Variants in AUTS2 observed in about 807,000 individuals in gnomAD.
AUTS2 encodes autism susceptibility gene 2 protein.
Under a neutral mutation model 112.4 loss-of-function variants are expected in AUTS2, and 17 were observed. That is an observed-to-expected ratio of 0.15 (90% confidence interval 0.10 to 0.23). The LOEUF (loss-of-function observed/expected upper bound fraction) is 0.23, where lower values mean the gene tolerates loss of function less well. Ranked by LOEUF, AUTS2 falls within the 10% of genes least tolerant of loss-of-function variation. AUTS2 has a pLI of 1.00. For missense variants in AUTS2, 1,510 were observed against 1,701.6 expected, an observed-to-expected ratio of 0.89 and a Z score of 1.98; for synonymous variants, 751 against 702.7, an observed-to-expected ratio of 1.07 and a Z score of -1.09.
chr7:70,496,253 A>ACC (rs1354938206), intron 5 of AUTS2, among the ~76,000 whole-genome samples: 1,780 of 76,550 alleles, frequency 0.023, 2 homozygotes, highest in African/African-American at 0.043. Context: ...ACACACACAC[A>ACC]CCCCACACAT....
intron 4 of AUTS2, chr7:70,293,808 C>T (rs1435148076): frequency 6.6e-6 from 1 of 152,202 alleles, no homozygotes; most frequent in Non-Finnish European, 1.5e-5. Context: ...GGTTTAAAAA[C>T]ATTGCTGCCT....
chr7:69,895,548 C>CCG lies in AUTS2; in HGVS notation c.310-3737_310-3736insGC, dbSNP rs1554400681. On this transcript the variant is annotated intron_variant, in intron 1 of 18. Coordinates refer to ENST00000342771, the MANE Select transcript of AUTS2 (RefSeq NM_015570.4). ...TGATCCTCTCTCTCTCTTCTTCCCC[C>CCG]CCCCCGAGTGGAAAATCTCAATATT... Among the ~76,000 whole-genome samples, 79 of 146,120 alleles carry CCG rather than the reference C, an allele frequency of 5.4e-4. 1 individual carries two copies. Among genetic ancestry groups the CCG allele is most frequent in the South Asian group, 9.8e-4 (4 of 4,102 alleles).
chr7:69,920,711 C>T (rs1223080170), intron 2 of AUTS2, among the ~76,000 whole-genome samples: 1 of 152,180 alleles, frequency 6.6e-6, no homozygotes, highest in Non-Finnish European at 1.5e-5. Flanking sequence ...GTATTTTCTT[C>T]CTAGACTGTT....
chr7:70,624,842 T>C (rs551540760), intron 5 of AUTS2, among the ~76,000 whole-genome samples: 1 of 152,304 alleles, frequency 6.6e-6, no homozygotes, highest in East Asian at 1.9e-4. Flanking sequence ...TTATCATCAT[T>C]ATCATCACCA....
chr7:70,539,894 AG>A (rs1270777596), intron 5 of AUTS2, among the ~76,000 whole-genome samples: 2 of 152,196 alleles, frequency 1.3e-5, no homozygotes, highest in African/African-American at 4.8e-5. Context: ...GGGTTGGCAC[AG>A]GGATGGGCTC....
intron 4 of AUTS2, among the ~76,000 whole-genome samples, chr7:70,416,011 T>A (rs979183623): frequency 6.6e-6 from 1 of 152,218 alleles, no homozygotes; most frequent in African/African-American, 2.4e-5. Context: ...TCAAGAGTGG[T>A]TCTGTGGTAA....
chr7:69,884,316 A>G (rs1407543776), intron 1 of AUTS2, among the ~76,000 whole-genome samples: 3 of 152,242 alleles, frequency 2.0e-5, no homozygotes, highest in African/African-American at 4.8e-5. Flanking sequence ...CAGCAAATCT[A>G]TGTGCCTTAT....
intron 6 of AUTS2, among the ~76,000 whole-genome samples, chr7:70,701,380 G>A (rs1285394362): frequency 6.6e-6 from 1 of 152,118 alleles, no homozygotes; most frequent in Non-Finnish European, 1.5e-5. Context: ...CCCTCTTTAG[G>A]TCAAGATTTT....
At chr7:70,497,097 GAC>G (rs552831905) in intron 5 of AUTS2, among the ~76,000 whole-genome samples, 2 of 30,394 alleles carry the variant, frequency 6.6e-5, no homozygotes, top group African/African-American at 1.4e-4. Context: ...TACACAGTCA[GAC>G]ACACACACAC....
rs1211462927 is a variant in AUTS2, at chr7:70,791,069, T to G, written c.*73T>G. ...CCAGGCCAGGCTTGAGAGACAGAACTCCTGCATGGCTCACACAGACTGGGG... is the reference window on the plus strand; with the variant it reads ...CCAGGCCAGGCTTGAGAGACAGAACGCCTGCATGGCTCACACAGACTGGGG... On this transcript the variant is annotated 3_prime_UTR_variant, in exon 19 of 19. Coordinates refer to ENST00000342771, the MANE Select transcript of AUTS2 (RefSeq NM_015570.4). 2.2e-6 allele frequency: 3 copies of G among 1,386,390 alleles called. No individual in the cohort carries two copies. The highest frequency in any genetic ancestry group is 2.8e-6 in the Non-Finnish European group (3 of 1,069,566). 85.9% of individuals were successfully genotyped at this position (1,386,390 alleles called of 1,614,324 possible).
intron 2 of AUTS2, among the ~76,000 whole-genome samples, chr7:70,004,470 A>G (rs1799449711): frequency 6.9e-6 from 1 of 145,938 alleles, no homozygotes; most frequent in African/African-American, 2.5e-5. Flanking sequence ...ATTCAGAACT[A>G]ATAAAAGGCA....
intron 2 of AUTS2, among the ~76,000 whole-genome samples, chr7:70,092,041 A>G (rs959869443): frequency 3.4e-5 from 4 of 116,344 alleles, no homozygotes; most frequent in African/African-American, 1.4e-4. Flanking sequence ...CCCCCAAATT[A>G]TATTAGTGTG....
At chr7:70,173,484 C>T (rs892060209) in intron 4 of AUTS2, among the ~76,000 whole-genome samples, 4 of 152,154 alleles carry the variant, frequency 2.6e-5, no homozygotes, top group African/African-American at 9.7e-5. Context: ...ACAGAAACAG[C>T]ATCTGGCATA....
At chr7:70,633,045 GGC>G (rs2129538639) in intron 5 of AUTS2, among the ~76,000 whole-genome samples, 1 of 152,330 alleles carries the variant, frequency 6.6e-6, no homozygotes, top group East Asian at 1.9e-4. Flanking sequence ...ATGGGGCGAG[GGC>G]TCTGAGAGCA....
chr7:69,715,365 T>C (rs1562831389), intron 1 of AUTS2, among the ~76,000 whole-genome samples: 1 of 152,150 alleles, frequency 6.6e-6, no homozygotes, highest in East Asian at 1.9e-4. Context: ...CACTATCAGC[T>C]TTTCTTAACC....
chr7:70,302,648 A>C, intron 4 of AUTS2, among the ~76,000 whole-genome samples: 1 of 151,896 alleles, frequency 6.6e-6, no homozygotes, highest in East Asian at 1.9e-4. Context: ...AATTTCCATA[A>C]TAAAACCACC....
At chr7:70,240,494 G>A (rs1489442252) in intron 4 of AUTS2, among the ~76,000 whole-genome samples, 1 of 152,226 alleles carries the variant, frequency 6.6e-6, no homozygotes, top group Non-Finnish European at 1.5e-5. Context: ...ACAGAGTGAG[G>A]CCTAGGGACT....
intron 4 of AUTS2, among the ~76,000 whole-genome samples, chr7:70,283,616 G>T (rs1166336054): frequency 6.6e-6 from 1 of 152,078 alleles, no homozygotes; most frequent in Middle Eastern, 3.4e-3. Context: ...ACTTCTATTT[G>T]GTTATAGTCT....
chr7:69,963,866 T>G (rs1218377736), intron 2 of AUTS2, among the ~76,000 whole-genome samples: 2 of 152,140 alleles, frequency 1.3e-5, no homozygotes, highest in African/African-American at 4.8e-5. Flanking sequence ...TTGTACTCTC[T>G]CCTGTAAAGT....
Sources: allele counts gnomAD v4.1 joint callset (sites outside exome capture counted in the v4.1 genomes callset), GRCh38; gene constraint gnomAD v4.1.1; transcripts MANE v1.5; gene names NCBI Gene and HGNC (gene_info 2026-07-23, HGNC 2026-07-21).